Variants in LRRC7 observed in about 807,000 individuals in gnomAD.
LRRC7 encodes leucine-rich repeat-containing protein 7.
Under a neutral mutation model 175.7 loss-of-function variants are expected in LRRC7, and 23 were observed. The observed-to-expected ratio is 0.13, with a 90% confidence interval of 0.09 to 0.19. The LOEUF (loss-of-function observed/expected upper bound fraction) is 0.19. LRRC7 is among the 10% of genes least tolerant of loss of function. The probability of loss-of-function intolerance (pLI) is 1.00; values close to 1 mark genes in which losing one functional copy is unlikely to be tolerated. For synonymous variants in LRRC7, 685 were observed against 680.9 expected, an observed-to-expected ratio of 1.01 and a Z score of -0.09; for missense variants, 1,354 against 1,904.7, an observed-to-expected ratio of 0.71 and a Z score of 5.38.
At chr1:70,014,534 A>G (rs1194676101) in intron 13 of LRRC7, among the ~76,000 whole-genome samples, 1 of 151,984 alleles carries the variant, frequency 6.6e-6, no homozygotes, top group Non-Finnish European at 1.5e-5. Flanking sequence ...CATACTATGG[A>G]GCCAAATTAC....
intron 2 of LRRC7, among the ~76,000 whole-genome samples, chr1:69,694,425 T>C (rs1662294549): frequency 6.6e-6 from 1 of 152,194 alleles, no homozygotes; most frequent in African/African-American, 2.4e-5. Context: ...TTTTCCCTGA[T>C]TTTTTTCTCC....
chr1:69,635,761 C>T (rs186790287), intron 1 of LRRC7, among the ~76,000 whole-genome samples: 6 of 152,008 alleles, frequency 3.9e-5, no homozygotes, highest in African/African-American at 1.4e-4. Flanking sequence ...TAGCAATATA[C>T]TCCAGTACCT....
intron 8 of LRRC7, among the ~76,000 whole-genome samples, chr1:69,971,708 A>G (rs1039901511): frequency 2.6e-5 from 4 of 152,206 alleles, no homozygotes; most frequent in African/African-American, 9.6e-5. Context: ...AAAGCAATCT[A>G]CAAATTCAAT....
intron 2 of LRRC7, among the ~76,000 whole-genome samples, chr1:69,723,042 T>G (rs753857591): frequency 1.3e-5 from 2 of 152,112 alleles, no homozygotes; most frequent in African/African-American, 2.4e-5. Context: ...GTAAAAGACA[T>G]CTTTTGTTTT....
chr1:70,035,239 A>C (rs1288265918), intron 18 of LRRC7, among the ~76,000 whole-genome samples: 1 of 152,206 alleles, frequency 6.6e-6, no homozygotes, highest in East Asian at 1.9e-4. Flanking sequence ...ACTTATGGGC[A>C]TAGATAATGC....
intron 3 of LRRC7, among the ~76,000 whole-genome samples, chr1:69,778,031 C>T (rs1374375149): frequency 1.3e-5 from 2 of 152,032 alleles, no homozygotes; most frequent in African/African-American, 2.4e-5. Flanking sequence ...TCTGCAATCT[C>T]TTCCTTCTTC....
chr1:69,827,245 C>T (rs1680022619), intron 5 of LRRC7, among the ~76,000 whole-genome samples: 2 of 152,024 alleles, frequency 1.3e-5, no homozygotes, highest in Non-Finnish European at 2.9e-5. Context: ...TGATAAATTG[C>T]TTTTTTCCTC....
At position 70,138,042 on chromosome 1, in the gene LRRC7, A is replaced by T. The variant is rs1177235622; in HGVS notation, c.*16155A>T. The T allele has an allele frequency of 2.0e-5, 3 of 152,230 alleles. No homozygotes were observed. The highest frequency in any genetic ancestry group is 7.2e-5 in the African/African-American group (3 of 41,472). The allele number at this position is 152,230 out of a possible 1,614,324, so 9.4% of individuals were successfully genotyped here. A position where few individuals can be genotyped will look rare whatever the true frequency, so the allele number is the denominator to read the frequency against. ...TAATAAAGTTGAGTTCAAAAAGTGT[A>T]TGAATTCAGTTATGGTCTGGAAAAT... On this transcript the variant is annotated 3_prime_UTR_variant, in exon 27 of 27. Transcript: ENST00000651989.
chr1:69,816,440 A>G (rs1057374730), intron 4 of LRRC7, among the ~76,000 whole-genome samples: 1 of 152,218 alleles, frequency 6.6e-6, no homozygotes, highest in Non-Finnish European at 1.5e-5. Context: ...CCGTAGCAGG[A>G]ACATTCTGAC....
chr1:69,966,906 C>T (rs1651720056), intron 8 of LRRC7, among the ~76,000 whole-genome samples: 1 of 152,212 alleles, frequency 6.6e-6, no homozygotes, highest in Non-Finnish European at 1.5e-5. Flanking sequence ...AGAAGGAAAC[C>T]TCCAGTTGAA....
chr1:70,066,466 A>T (rs757480388), intron 23 of LRRC7, among the ~76,000 whole-genome samples: 2 of 151,992 alleles, frequency 1.3e-5, no homozygotes, highest in African/African-American at 4.8e-5. Flanking sequence ...CAAGAATGCT[A>T]TGTAAATAGG....
chr1:70,004,708 T>C (rs190975117), intron 11 of LRRC7, among the ~76,000 whole-genome samples: 1 of 151,076 alleles, frequency 6.6e-6, no homozygotes, highest in East Asian at 2.0e-4. Flanking sequence ...CAAACAAATC[T>C]CTCTCTCTCT....
At chr1:69,973,948 A>G (rs1175053180) in intron 8 of LRRC7, among the ~76,000 whole-genome samples, 1 of 152,166 alleles carries the variant, frequency 6.6e-6, no homozygotes, top group African/African-American at 2.4e-5. Context: ...TAAAGTAGAC[A>G]TCTTCTATGT....
intron 1 of LRRC7, among the ~76,000 whole-genome samples, chr1:69,630,002 C>T (rs1222109036): frequency 2.6e-5 from 4 of 152,010 alleles, no homozygotes; most frequent in Non-Finnish European, 5.9e-5. Context: ...ATATAATCAT[C>T]TTGGCATGTG....
chr1:69,954,255 C>T (rs760347460), intron 8 of LRRC7, among the ~76,000 whole-genome samples: 4 of 152,040 alleles, frequency 2.6e-5, no homozygotes, highest in Non-Finnish European at 5.9e-5. Context: ...GAAACACAAG[C>T]GTGCTGTGGG....
intron 1 of LRRC7, among the ~76,000 whole-genome samples, chr1:69,676,500 G>A (rs555555795): frequency 3.4e-4 from 51 of 152,112 alleles, no homozygotes; most frequent in African/African-American, 1.2e-3. Context: ...ATAGAAGTTA[G>A]TAAAGTGTAC....
intron 3 of LRRC7, among the ~76,000 whole-genome samples, chr1:69,778,196 C>T (rs975522988): frequency 5.5e-4 from 83 of 152,272 alleles, no homozygotes; most frequent in African/African-American, 1.9e-3. Context: ...TTCCACTCTC[C>T]TCTGTGCCTC....
In LRRC7 at chr1:70,038,989, A is replaced by G. The variant is rs150626240; in HGVS notation, c.3165A>G (p.Gln1055=). The change falls in exon 21 of 27, where the codon CAA becomes CAG. Residue 1055 remains glutamine (Q), a synonymous_variant. Transcript: ENST00000651989. ...MLTYGSSKGP[Q]QQKASMTKKV... ...CCTACGGAAGTAGTAAGGGGCCACA[A>G]CAACAAAAAGCTTCTATGACAAAAA... 1.5e-5 allele frequency: 24 copies of G among 1,614,008 alleles called. No individual in the cohort carries two copies. Among genetic ancestry groups the G allele is most frequent in the Non-Finnish European group, 2.0e-5 (24 of 1,179,990 alleles).
At chr1:69,609,691 T>G (rs920877058) in intron 1 of LRRC7, among the ~76,000 whole-genome samples, 1 of 152,084 alleles carries the variant, frequency 6.6e-6, no homozygotes, top group Admixed American at 6.6e-5. Context: ...TTAGCCAATG[T>G]GAGAACTGCT....
Sources: gnomAD v4.1 joint callset for allele counts (sites outside exome capture counted in the v4.1 genomes callset) on GRCh38, gnomAD v4.1.1 for gene constraint, MANE v1.5 for transcripts, NCBI Gene and HGNC (gene_info 2026-07-23, HGNC 2026-07-21) for gene names.